The following CAMTA1 variants were observed in gnomAD, a reference collection of about 807,000 sequenced individuals.
CAMTA1 encodes the protein calmodulin-binding transcription activator 1.
CAMTA1 carries 27 observed loss-of-function variants against 170.9 expected under a neutral mutation model. The observed-to-expected ratio is 0.16, with a 90% CI of 0.12 to 0.22. The LOEUF (loss-of-function observed/expected upper bound fraction) is 0.22. CAMTA1 is among the 10% of genes least tolerant of loss of function. The probability of loss-of-function intolerance (pLI) is 1.00; values close to 1 mark genes in which losing one functional copy is unlikely to be tolerated. For synonymous variants in CAMTA1, 833 were observed against 891.5 expected (o/e 0.93, Z 1.17); for missense variants, 1,619 against 2,217.2 (o/e 0.73, Z 5.42).
chr1:7,189,431 GCAAGAAGAAAACAAACAATCC>G lies in CAMTA1; in HGVS notation c.303-60057_303-60037del, dbSNP rs1392841883. On this transcript the variant is annotated intron_variant, in intron 4 of 22. Transcript: ENST00000303635. ...AACTACAGTGAACTCAAACAAATTA[GCAAGAAGAAAACAAACAATCC>G]CATCAGAAAGTAGGCTAAGGACATG... is the stretch of plus-strand genomic sequence containing the variant. Among the ~76,000 whole-genome samples the G allele has an allele frequency of 3.3e-5, 5 of 152,194 alleles. No homozygotes were observed. In the East Asian group the frequency reaches 9.7e-4, roughly 29 times the overall value.
chr1:6,819,542 G>T (rs1236727576), intron 1 of CAMTA1, among the ~76,000 whole-genome samples: 1 of 152,162 alleles, frequency 6.6e-6, no homozygotes, highest in Non-Finnish European at 1.5e-5. Flanking sequence ...GCTTCAAAAT[G>T]AATATGACAT....
chr1:7,135,712 T>C (rs1427603974), intron 4 of CAMTA1, among the ~76,000 whole-genome samples: 1 of 152,192 alleles, frequency 6.6e-6, no homozygotes, highest in Non-Finnish European at 1.5e-5. Context: ...GATTGCCTGA[T>C]TTGCTCTCCC....
At chr1:7,394,073 A>C (rs1159767458) in intron 5 of CAMTA1, among the ~76,000 whole-genome samples, 1 of 152,162 alleles carries the variant, frequency 6.6e-6, no homozygotes, top group Non-Finnish European at 1.5e-5. Flanking sequence ...GTGTATATGT[A>C]CCACATTTTC....
At chr1:7,457,070 A>ACCCGC (rs1557746956) in intron 5 of CAMTA1, among the ~76,000 whole-genome samples, 1 of 30,508 alleles carries the variant, frequency 3.3e-5, no homozygotes, top group Non-Finnish European at 6.8e-5. Flanking sequence ...CGTGCCCCTC[A>ACCCGC]CCCGCCCCCT....
In CAMTA1 at chr1:7,144,147, G is replaced by A. The variant is rs1646045008; in HGVS notation, c.302+52776G>A. Among the ~76,000 whole-genome samples the A allele has an allele frequency of 6.6e-6, 1 of 152,248 alleles. No homozygotes were observed. The highest frequency in any genetic ancestry group is 2.1e-4 in the South Asian group (1 of 4,822). On this transcript the variant is annotated intron_variant, in intron 4 of 22. Coordinates refer to ENST00000303635, the MANE Select transcript of CAMTA1 (RefSeq NM_015215.4). The surrounding 1 kb of genome is among the most constrained non-coding windows in gnomAD (Gnocchi z 4.0). ...CTGGAGGCTGGAAGTCTGAGATCAG[G>A]GTGCCAGCATGGCCAGGTTCTGGTG...
chr1:6,932,418 T>A (rs1684572809), intron 3 of CAMTA1, among the ~76,000 whole-genome samples: 1 of 152,266 alleles, frequency 6.6e-6, no homozygotes, highest in South Asian at 2.1e-4. Context: ...TCCATGTACC[T>A]GTTGATGGAC....
chr1:6,833,358 CAG>C (rs1415851367), intron 3 of CAMTA1, among the ~76,000 whole-genome samples: 10 of 152,072 alleles, frequency 6.6e-5, no homozygotes, highest in African/African-American at 2.4e-4. Flanking sequence ...ACAAAAAACT[CAG>C]TATAAAATTA....
chr1:7,488,599 C>T (rs1476518832), intron 6 of CAMTA1, among the ~76,000 whole-genome samples: 1 of 152,144 alleles, frequency 6.6e-6, no homozygotes, highest in East Asian at 1.9e-4. Flanking sequence ...CACATACATG[C>T]ATGATACATG....
chr1:7,001,473 G>A (rs1367926999), intron 3 of CAMTA1, among the ~76,000 whole-genome samples: 1 of 152,220 alleles, frequency 6.6e-6, no homozygotes, highest in East Asian at 1.9e-4. Context: ...TTTCTGCTGA[G>A]TGTAAATTAT....
intron 6 of CAMTA1, among the ~76,000 whole-genome samples, chr1:7,598,687 A>C (rs1324007815): frequency 2.0e-5 from 3 of 152,242 alleles, no homozygotes; most frequent in African/African-American, 7.2e-5. Context: ...TCTGATGGCC[A>C]GTGATGATGA....
chr1:6,951,982 A>G (rs1280604261), intron 3 of CAMTA1, among the ~76,000 whole-genome samples: 1 of 152,146 alleles, frequency 6.6e-6, no homozygotes, highest in African/African-American at 2.4e-5. Context: ...CTTGAACCAC[A>G]GCCCCAAACC....
intron 6 of CAMTA1, among the ~76,000 whole-genome samples, chr1:7,639,834 G>T (rs1247083785): frequency 1.3e-5 from 2 of 152,172 alleles, no homozygotes; most frequent in East Asian, 3.9e-4. Context: ...CACGGCTGAA[G>T]GCAGAGGGGC....
rs981734701 is a variant in CAMTA1, at chr1:7,426,657, A to C, written c.439-41173A>C. ...GGGGCTGATGGCGACTGTGCAAAAA[A>C]GCAGGGGTTGGGGCGGGGGAAAGGT... On this transcript the variant is annotated intron_variant, in intron 5 of 22. Transcript: ENST00000303635. The surrounding 1 kb of genome is among the most constrained non-coding windows in gnomAD (Gnocchi z 4.8). Among the ~76,000 whole-genome samples the C allele has an allele frequency of 6.6e-6, 1 of 151,192 alleles. No individual in the cohort carries two copies. The highest frequency in any genetic ancestry group is 2.4e-5 in the African/African-American group (1 of 41,228).
intron 1 of CAMTA1, among the ~76,000 whole-genome samples, chr1:6,807,315 C>T (rs932455754): frequency 6.6e-6 from 1 of 152,136 alleles, no homozygotes; most frequent in East Asian, 1.9e-4. Context: ...TTTACTCTGT[C>T]CCTTAAATGC....
rs184556141 is a variant in CAMTA1 at position 6,951,558 on chromosome 1, A to T, written c.234+126348A>T. On this transcript the variant is annotated intron_variant, in intron 3 of 22. Coordinates refer to ENST00000303635, the MANE Select transcript of CAMTA1 (RefSeq NM_015215.4). ...AGAAGCGTCTTTATCCCCCAGGACT[A>T]TTGGGAAGAACAAAAAAGAGACCAT... Among the ~76,000 whole-genome samples, 144 of 152,286 alleles carry T rather than the reference A, an allele frequency of 9.5e-4. 1 individual carries two copies. Among genetic ancestry groups the T allele is most frequent in the African/African-American group, 3.3e-3 (137 of 41,556 alleles).
chr1:7,044,581 G>A lies in CAMTA1; in HGVS notation c.235-46723G>A, dbSNP rs1019872800. Among the ~76,000 whole-genome samples, 2 of 152,164 alleles carry A rather than the reference G, an allele frequency of 1.3e-5. No homozygotes were observed. Among genetic ancestry groups the A allele is most frequent in the African/African-American group, 2.4e-5 (1 of 41,436 alleles). Reference sequence around the variant, plus strand: ...GCAGATGGGTGATGGGGCCTCTAGCGGGCAGATTCTGTGGTGGCGCTGAAA... The same window carrying A: ...GCAGATGGGTGATGGGGCCTCTAGCAGGCAGATTCTGTGGTGGCGCTGAAA... On this transcript the variant is annotated intron_variant, in intron 3 of 22. Transcript: ENST00000303635. The surrounding 1 kb of genome is among the most constrained non-coding windows in gnomAD (Gnocchi z 5.0).
intron 3 of CAMTA1, chr1:6,834,437 C>T: frequency 4.4e-6 from 1 of 225,044 alleles, no homozygotes. Flanking sequence ...CCTCGTTCGG[C>T]CAGTCCTGGT....
intron 11 of CAMTA1, chr1:7,693,374 C>T (rs1359824663): frequency 6.6e-6 from 1 of 152,212 alleles, no homozygotes; most frequent in Non-Finnish European, 1.5e-5. Flanking sequence ...GGGTCCCTCC[C>T]ACAACACATG....
chr1:6,930,210 G>T (rs1243959552), intron 3 of CAMTA1, among the ~76,000 whole-genome samples: 1 of 152,084 alleles, frequency 6.6e-6, no homozygotes, highest in Non-Finnish European at 1.5e-5. Flanking sequence ...GCCTCTCCTC[G>T]ATCCTTGGTA....
Sources: allele counts gnomAD v4.1 joint callset (sites outside exome capture counted in the v4.1 genomes callset), GRCh38; gene constraint gnomAD v4.1.1; non-coding constraint Gnocchi (gnomAD v3.1); transcripts MANE v1.5; gene names NCBI Gene and HGNC (gene_info 2026-07-23, HGNC 2026-07-21).